NEB: variants seen among roughly 807,000 people sequenced by gnomAD.
NEB encodes the protein nemaline myopathy type 2.
A neutral mutation model predicts 952.2 loss-of-function variants in NEB; 512 were observed. The observed-to-expected ratio is 0.54, with a 90% confidence interval of 0.50 to 0.58. The LOEUF (loss-of-function observed/expected upper bound fraction) is 0.58, where lower values mean the gene tolerates loss of function less well. Ranked by LOEUF, NEB falls within the 20% of genes least tolerant of loss-of-function variation. NEB has a pLI of 0.00. For synonymous variants in NEB, 2,900 were observed against 3,149.8 expected (o/e 0.92, Z 2.66); for missense variants, 8,428 against 9,231.1 (o/e 0.91, Z 3.56).
Position 151,662,289 on chromosome 2 carries a change from G to A in NEB, c.5816C>T (p.Pro1939Leu), listed in dbSNP as rs1486289467. The A allele has an allele frequency of 3.1e-6, 5 of 1,613,626 alleles. No individual in the cohort carries two copies. Among genetic ancestry groups the A allele is most frequent in the Non-Finnish European group, 4.2e-6 (5 of 1,179,666 alleles). The change falls in exon 46 of 182, where the codon CCT (proline) becomes CTT (leucine). Residue 1939 changes from proline (P) to leucine (L), a missense_variant. Pro to Leu is a moderately conservative substitution (Grantham distance 98). This residue lies in a region of NEB where 2,851 missense variants were observed against 2,791.5 expected (regional missense o/e 1.02). Coordinates refer to ENST00000397345, the MANE Select transcript of NEB (RefSeq NM_001164508.2). ...ADFMKGIGWL[P>L]LGSLEAEKNK... is the part of the protein sequence containing the mutation. ...TTTCTCTGCTTCCAGGGAGCCCAGA[G>A]GGAGCCATCCAATGCCCTTCATGAA...
rs778963525 is a variant in NEB at position 151,710,466 on chromosome 2, T to C, written c.895A>G (p.Asn299Asp). Reference protein sequence around the residue: ...WSETPCFEVANARMNADNIST... With the variant: ...WSETPCFEVADARMNADNIST... ...ATGTTATCAGCATTCATTCTGGCAT[T>C]TGCAACTTCAAAGCAAGGTGTCTCA... The change falls in exon 11 of 182, where the codon AAT becomes GAT. Residue 299 changes from asparagine (N) to aspartate (D), a missense_variant. Asn to Asp is a conservative substitution (Grantham distance 23). Transcript: ENST00000397345. The C allele has an allele frequency of 6.2e-7, 1 of 1,612,650 alleles. No individual in the cohort carries two copies. Among genetic ancestry groups the C allele is most frequent in the Middle Eastern group, 1.7e-4 (1 of 6,056 alleles).
At chr2:151,642,460 A>T in intron 60 of NEB, 114 bp downstream of exon 60, 1 of 859,104 alleles carries the variant, frequency 1.2e-6, no homozygotes, top group Non-Finnish European at 1.8e-6. Context: ...TCGAAACAAT[A>T]AACTGTTAGC....
At chr2:151,537,378 A>G in intron 140 of NEB, 142 bp from the exon 141 acceptor site, 2 of 569,050 alleles carry the variant, frequency 3.5e-6, no homozygotes, top group Non-Finnish European at 6.2e-6. Flanking sequence ...TATTTAAAAG[A>G]CATTTTCAGT....
chr2:151,682,451 A>G (rs905079102), intron 29 of NEB, among the ~76,000 whole-genome samples: 3 of 152,242 alleles, frequency 2.0e-5, no homozygotes, highest in Non-Finnish European at 2.9e-5. Context: ...TAAAATTGTT[A>G]AAAATATTTC....
intron 63 of NEB, 98 bp from the exon 64 acceptor site, chr2:151,636,432 T>A: frequency 1.1e-6 from 1 of 924,578 alleles, no homozygotes; most frequent in South Asian, 1.6e-5. Flanking sequence ...ACAGTGCCTA[T>A]AATAATCTTT....
chr2:151,678,194 T>C lies in NEB; in HGVS notation c.3256-7A>G. ...AGTCTTTTTTGTACTGAACCTATTG[T>C]AAACAAAGGTGGGCATAATTTAAAA... On this transcript the variant is annotated splice_polypyrimidine_tract_variant and splice_region_variant and intron_variant, in intron 32 of 181. Coordinates refer to ENST00000397345, the MANE Select transcript of NEB (RefSeq NM_001164508.2). 3 of 1,550,166 alleles carry C rather than the reference T, an allele frequency of 1.9e-6. No homozygotes were observed. The highest frequency in any genetic ancestry group is 2.3e-5 in the East Asian group (1 of 44,226).
intron 75 of NEB, 118 bp downstream of exon 75, chr2:151,617,246 A>T: frequency 1.6e-6 from 1 of 608,534 alleles, no homozygotes. Flanking sequence ...TATCTCTTCT[A>T]CTGAAAATGG....
rs866002593 is a variant in NEB, at chr2:151,646,132, C to A, written c.7534G>T (p.Asp2512Tyr). The A allele has an allele frequency of 6.3e-7, 1 of 1,576,632 alleles. No individual in the cohort carries two copies. Among genetic ancestry groups the A allele is most frequent in the Admixed American group, 1.8e-5 (1 of 55,518 alleles). The change falls in exon 55 of 182, where the codon GAT becomes TAT. Residue 2512 changes from aspartate (D) to tyrosine (Y), a missense_variant and splice_region_variant. By Grantham distance (160) the Asp-to-Tyr change is radical. Around this residue, in one of 11 missense-constraint regions of NEB, gnomAD observed 1,772 missense variants for 1,960.3 expected, o/e 0.90. Transcript: ENST00000397345. ...LAKANLINTS[D>Y]KLYRMGYEEL... ...ACATGCTGAATTTGAAAACTTACAT[C>A]ACTTGTGTTGATTAAGTTTGCTTTA...
At position 151,493,678 on chromosome 2, in the gene NEB, C is replaced by T. The variant is rs2058259476; in HGVS notation, c.24672+97G>A. Reference sequence around the variant, plus strand: ...ACAAGGAAGAATTTTTAAAGATACACAAAAGTTTTGGAAAAACTGTAAGAT... The same window carrying T: ...ACAAGGAAGAATTTTTAAAGATACATAAAAGTTTTGGAAAAACTGTAAGAT... On this transcript the variant is annotated intron_variant, in intron 175 of 181. Transcript: ENST00000397345. 7.6e-6 allele frequency: 8 copies of T among 1,047,580 alleles called. No individual in the cohort carries two copies. The South Asian group carries it at 1.4e-4, about 18-fold the overall frequency. The allele number at this position is 1,047,580 out of a possible 1,614,324, so 64.9% of individuals were successfully genotyped here.
chr2:151,704,884 C>T (rs2099698659), intron 13 of NEB, among the ~76,000 whole-genome samples: 1 of 152,176 alleles, frequency 6.6e-6, no homozygotes, highest in Admixed American at 6.5e-5. Context: ...ATCTTGGCTC[C>T]TCCCCAAACT....
chr2:151,701,730 A>T (rs1401519649), intron 13 of NEB, among the ~76,000 whole-genome samples: 21 of 149,120 alleles, frequency 1.4e-4, no homozygotes, highest in Non-Finnish European at 3.0e-4. Flanking sequence ...ATCATTTTTT[A>T]TTGTGTCTAT....
rs767373329 is a variant in NEB at position 151,514,315 on chromosome 2, T to C, written c.23127+3A>G. 1.1e-5 allele frequency: 17 copies of C among 1,598,768 alleles called. No homozygotes were observed. Among genetic ancestry groups the C allele is most frequent in the Admixed American group, 1.7e-5 (1 of 59,994 alleles). ...ACGTGCAGGCAGTCAGCTGTGGGCCTACCTCATTGAGGATTTGAGTGGCAT... is the reference window on the plus strand; with the variant it reads ...ACGTGCAGGCAGTCAGCTGTGGGCCCACCTCATTGAGGATTTGAGTGGCAT... On this transcript the variant is annotated splice_donor_region_variant and intron_variant, in intron 159 of 181. Transcript: ENST00000397345.
Position 151,687,608 on chromosome 2 carries a change from TCCCCAGGC to T in NEB, c.2523+10_2523+17del, listed in dbSNP as rs1553564544. ...AGGCCACCCTGTCCAGGTCCCCAGG[TCCCCAGGC>T]CACACTCACATCGCTGGTGTTCTTG... On this transcript the variant is annotated intron_variant, in intron 26 of 181. Transcript: ENST00000397345. 1.2e-6 allele frequency: 2 copies of T among 1,613,300 alleles called. No individual in the cohort carries two copies. Among genetic ancestry groups the T allele is most frequent in the African/African-American group, 2.7e-5 (2 of 74,874 alleles).
Position 151,692,319 on chromosome 2 carries a change from A to C in NEB, c.1940T>G (p.Met647Arg). The C allele has an allele frequency of 1.2e-6, 2 of 1,613,604 alleles. No individual in the cohort carries two copies. Among genetic ancestry groups the C allele is most frequent in the Non-Finnish European group, 1.7e-6 (2 of 1,179,688 alleles). The change falls in exon 21 of 182, where the codon ATG (methionine) becomes AGG (arginine). Residue 647 changes from methionine (M) to arginine (R), a missense_variant. By Grantham distance (91) the Met-to-Arg change is moderately conservative. Around this residue, in one of 11 missense-constraint regions of NEB, gnomAD observed 2,851 missense variants for 2,791.5 expected, o/e 1.02. Transcript: ENST00000397345. ...ENYEKTKAKS[M>R]NYCETPKYQL... ...ATATTTTGGGGTCTCACAGTAATTC[A>C]TACTCTTTGCCTTTGTCTTCTCATA...
At chr2:151,612,445 T>C (rs915163678) in intron 77 of NEB, 56 bp from the exon 78 acceptor site, 11 of 1,454,816 alleles carry the variant, frequency 7.6e-6, no homozygotes, top group East Asian at 7.0e-5. Context: ...GCCTGGTGCC[T>C]GATCCTGATT....
intron 142 of NEB, 67 bp from the exon 143 acceptor site, chr2:151,533,613 AT>A: frequency 2.0e-6 from 2 of 992,956 alleles, no homozygotes; most frequent in South Asian, 2.8e-5. Flanking sequence ...ACGGCTCTAT[AT>A]CCCAATCACC....
At position 151,549,628 on chromosome 2, in the gene NEB, C is replaced by T. The variant is rs999264013; in HGVS notation, c.20049+8G>A. The stretch of plus-strand genomic sequence containing the variant: ...CAGACCCATCTCAATGAGGAGGAGA[C>T]CACTCACATAACTGCTCATGTAACG... On this transcript the variant is annotated splice_region_variant and intron_variant, in intron 130 of 181. Transcript: ENST00000397345. 6.4e-7 allele frequency: 1 copy of T among 1,562,350 alleles called. No homozygotes were observed. Among genetic ancestry groups the T allele is most frequent in the Non-Finnish European group, 8.7e-7 (1 of 1,144,034 alleles).
At position 151,562,122 on chromosome 2, in the gene NEB, G is replaced by A. The variant is rs1559951147; in HGVS notation, c.18984C>T (p.Asp6328=). The A allele has an allele frequency of 1.9e-6, 3 of 1,613,394 alleles. No individual in the cohort carries two copies. Among genetic ancestry groups the A allele is most frequent in the East Asian group, 2.2e-5 (1 of 44,884 alleles). The change falls in exon 121 of 182, where the codon GAC becomes GAT. Residue 6328 remains aspartate, a synonymous_variant. Transcript: ENST00000397345. ...GAAGGTGGCTCACCTGACTCTGAAG[G>A]TCGTATGATTTCTTGGCATGGAGGA... The part of the protein sequence containing the change: ...PQILHAKKSY[D]LQSQLQYTAA...
chr2:151,722,473 A>AG (rs200811504), intron 9 of NEB, among the ~76,000 whole-genome samples: 7,743 of 152,196 alleles, frequency 0.051, 374 homozygotes, highest in African/African-American at 0.12. Context: ...ATCTTCTGAT[A>AG]GCAAGAGCTC....
Sources: gnomAD v4.1 joint callset for allele counts (sites outside exome capture counted in the v4.1 genomes callset) on GRCh38, gnomAD v4.1.1 for gene constraint, gnomAD v4.1.1 regional missense constraint, MANE v1.5 for transcripts, NCBI Gene and HGNC (gene_info 2026-07-23, HGNC 2026-07-21) for gene names.